NTM: variants seen among roughly 807,000 people sequenced by gnomAD.
The protein encoded by NTM is neurotrimin, also known as IgLON family member 2.
In NTM, 13 loss-of-function variants were observed where a neutral mutation model predicts 42.1. That is an observed-to-expected ratio of 0.31 (90% confidence interval 0.20 to 0.49). The LOEUF is 0.49. NTM is among the 20% of genes least tolerant of loss of function. NTM has a pLI of 0.99. For synonymous variants in NTM, 187 were observed against 179.2 expected, an observed-to-expected ratio of 1.04 and a Z score of -0.35; for missense variants, 373 against 452.8, an observed-to-expected ratio of 0.82 and a Z score of 1.60.
intron 2 of NTM, among the ~76,000 whole-genome samples, chr11:131,941,160 A>T (rs1239977280): frequency 6.6e-6 from 1 of 152,256 alleles, no homozygotes; most frequent in East Asian, 1.9e-4. Flanking sequence ...GCAGTAACTT[A>T]TAAGTCTGAT....
intron 2 of NTM, chr11:132,141,020 G>T (rs1474422455): frequency 6.6e-6 from 1 of 152,238 alleles, no homozygotes; most frequent in Middle Eastern, 3.2e-3. Flanking sequence ...AGAAGGAACG[G>T]TTGGACCGCA....
chr11:131,742,649 A>C (rs898326151), intron 1 of NTM, among the ~76,000 whole-genome samples: 1 of 152,306 alleles, frequency 6.6e-6, no homozygotes, highest in Non-Finnish European at 1.5e-5. Flanking sequence ...TTTTCATTTA[A>C]TGTCTTTTTA....
chr11:132,221,036 G>T (rs536289534), intron 4 of NTM, among the ~76,000 whole-genome samples: 1 of 152,280 alleles, frequency 6.6e-6, no homozygotes, highest in East Asian at 1.9e-4. Flanking sequence ...GGCTTGGGGA[G>T]TTTCTTGTGT....
At chr11:131,846,779 G>A (rs1175307611) in intron 1 of NTM, among the ~76,000 whole-genome samples, 2 of 152,128 alleles carry the variant, frequency 1.3e-5, no homozygotes, top group African/African-American at 4.8e-5. Context: ...AGGAGCTGAG[G>A]CTGGGCTGAG....
intron 1 of NTM, among the ~76,000 whole-genome samples, chr11:131,464,101 G>A (rs901554907): frequency 5.3e-5 from 8 of 152,182 alleles, no homozygotes; most frequent in African/African-American, 1.9e-4. Flanking sequence ...TGGATGAGGG[G>A]CTGCTGAGGG....
At chr11:131,808,485 C>T (rs537630778) in intron 1 of NTM, among the ~76,000 whole-genome samples, 3 of 152,326 alleles carry the variant, frequency 2.0e-5, no homozygotes, top group African/African-American at 7.2e-5. Context: ...AAGACATAGT[C>T]TCTGTGAACT....
At chr11:131,766,545 A>T (rs1311521484) in intron 1 of NTM, among the ~76,000 whole-genome samples, 1 of 151,500 alleles carries the variant, frequency 6.6e-6, no homozygotes. Context: ...CTCATTCATA[A>T]CACTGACATT....
intron 1 of NTM, among the ~76,000 whole-genome samples, chr11:131,601,801 T>C (rs79421298): frequency 0.015 from 2,360 of 152,340 alleles, 60 homozygotes; most frequent in African/African-American, 0.054. Context: ...TTAGTCATCA[T>C]ATATTTATCC....
intron 1 of NTM, among the ~76,000 whole-genome samples, chr11:131,379,161 C>G (rs1409932387): frequency 6.6e-6 from 1 of 152,212 alleles, no homozygotes; most frequent in African/African-American, 2.4e-5. Context: ...CCAGCTCAGG[C>G]TGGGAGGGAG....
At chr11:132,251,192 G>A (rs963146003) in intron 4 of NTM, among the ~76,000 whole-genome samples, 1 of 152,144 alleles carries the variant, frequency 6.6e-6, no homozygotes, top group Non-Finnish European at 1.5e-5. Flanking sequence ...ATTGTACAGA[G>A]CTTTTCCTGT....
At chr11:131,648,270 C>G (rs1194980973) in intron 1 of NTM, among the ~76,000 whole-genome samples, 1 of 152,126 alleles carries the variant, frequency 6.6e-6, no homozygotes, top group Non-Finnish European at 1.5e-5. Flanking sequence ...GATTCCATGT[C>G]TTTGCTATTG....
chr11:132,056,988 C>T (rs575225351), intron 2 of NTM, among the ~76,000 whole-genome samples: 42 of 152,246 alleles, frequency 2.8e-4, no homozygotes, highest in African/African-American at 9.4e-4. Flanking sequence ...AGTGTTAGTA[C>T]GATTGTTTGA....
intron 4 of NTM, among the ~76,000 whole-genome samples, chr11:132,212,854 C>T (rs2083095235): frequency 6.6e-6 from 1 of 151,860 alleles, no homozygotes; most frequent in Admixed American, 6.6e-5. Flanking sequence ...TTATTGAGTG[C>T]TTGTAATAGT....
intron 1 of NTM, among the ~76,000 whole-genome samples, chr11:131,406,155 A>G (rs1403532776): frequency 6.6e-6 from 1 of 152,184 alleles, no homozygotes; most frequent in Non-Finnish European, 1.5e-5. Flanking sequence ...CTGATCTTTA[A>G]GACTTAAGGT....
At chr11:131,532,374 C>T (rs2136680209) in intron 1 of NTM, among the ~76,000 whole-genome samples, 1 of 152,252 alleles carries the variant, frequency 6.6e-6, no homozygotes. Flanking sequence ...CAAGATGTAT[C>T]TATGTTGTAG....
At chr11:131,953,627 A>C (rs1045525286) in intron 2 of NTM, among the ~76,000 whole-genome samples, 1 of 152,198 alleles carries the variant, frequency 6.6e-6, no homozygotes, top group South Asian at 2.1e-4. Context: ...TTTCTTTGCT[A>C]TTACTGGCCT....
At chr11:131,647,925 G>C (rs1471005758) in intron 1 of NTM, among the ~76,000 whole-genome samples, 1 of 152,158 alleles carries the variant, frequency 6.6e-6, no homozygotes, top group Non-Finnish European at 1.5e-5. Flanking sequence ...TGTCATGGGG[G>C]TTTGTTGGAC....
Position 132,330,587 on chromosome 11 carries a change from G to A in NTM, c.967+402G>A, listed in dbSNP as rs779593477. 2.0e-5 allele frequency among the ~76,000 whole-genome samples: 3 copies of A among 152,182 alleles called. No individual in the cohort carries two copies. The South Asian group carries it at 6.2e-4, about 31-fold the overall frequency. ...ATTCTTTCTATCTCTCTAACTTGGA[G>A]CTGGAAGGGAAGTGGCAAGGGGAGG... On this transcript the variant is annotated intron_variant, in intron 8 of 8. Transcript: ENST00000683400.
chr11:132,038,198 A>G (rs565749768), intron 2 of NTM, among the ~76,000 whole-genome samples: 86 of 152,334 alleles, frequency 5.6e-4, no homozygotes, highest in African/African-American at 1.9e-3. Flanking sequence ...CAGGTGACTG[A>G]AGGCAACCTG....
Sources: allele counts gnomAD v4.1 joint callset (sites outside exome capture counted in the v4.1 genomes callset), GRCh38; gene constraint gnomAD v4.1.1; transcripts MANE v1.5; gene names NCBI Gene and HGNC (gene_info 2026-07-23, HGNC 2026-07-21).